Variants in MTHFD1L observed in about 807,000 individuals in gnomAD.
MTHFD1L encodes the protein methylenetetrahydrofolate dehydrogenase (NADP+ dependent) 1 like, also known as monofunctional C1-tetrahydrofolate synthase, mitochondrial.
A neutral mutation model predicts 119.5 loss-of-function variants in MTHFD1L; 81 were observed. The ratio of observed to expected loss-of-function variants is 0.68; its 90% CI spans 0.57 to 0.82. The LOEUF is 0.82. Among genes scored for constraint, MTHFD1L ranks in the 40% least tolerant of loss-of-function variants. The probability of loss-of-function intolerance (pLI) is 0.00; values close to 1 mark genes in which losing one functional copy is unlikely to be tolerated. For synonymous variants in MTHFD1L, 430 were observed against 475.2 expected (o/e 0.90, Z 1.24); for missense variants, 1,125 against 1,253.4 (o/e 0.90, Z 1.55).
intron 27 of MTHFD1L, chr6:151,099,707 G>A: frequency 6.2e-7 from 1 of 1,610,884 alleles, no homozygotes; most frequent in Non-Finnish European, 8.5e-7. Context: ...ACTGGTTATG[G>A]GAGCAACAAA....
intron 10 of MTHFD1L, among the ~76,000 whole-genome samples, chr6:150,923,537 A>ATTTATTTTTTTTTTTT (rs1254981530): frequency 3.2e-5 from 3 of 95,222 alleles, no homozygotes; most frequent in Admixed American, 1.1e-4. Context: ...TTATTTATTT[A>ATTTATTTTTTTTTTTT]TTTTTTCTTT....
chr6:151,067,682 ATGT>A (rs1471021028), intron 26 of MTHFD1L, among the ~76,000 whole-genome samples: 1 of 152,228 alleles, frequency 6.6e-6, no homozygotes, highest in Non-Finnish European at 1.5e-5. Context: ...GCCAGAAATA[ATGT>A]TGTGTGTTAA....
At chr6:150,912,476 T>C (rs1427268100) in intron 8 of MTHFD1L, among the ~76,000 whole-genome samples, 3 of 152,152 alleles carry the variant, frequency 2.0e-5, no homozygotes, top group South Asian at 4.1e-4. Flanking sequence ...CCAGACTGCA[T>C]AGAAGCTGAG....
At chr6:150,895,411 C>G (rs967531117) in intron 7 of MTHFD1L, among the ~76,000 whole-genome samples, 1 of 152,110 alleles carries the variant, frequency 6.6e-6, no homozygotes, top group Non-Finnish European at 1.5e-5. Flanking sequence ...GAAATGGTCT[C>G]CAGCTGGGAG....
chr6:150,888,211 A>G (rs1194301987), intron 7 of MTHFD1L, among the ~76,000 whole-genome samples: 1 of 152,246 alleles, frequency 6.6e-6, no homozygotes, highest in Non-Finnish European at 1.5e-5. Context: ...TCATTCTAAT[A>G]CAATCCTTTT....
At chr6:150,900,111 G>A (rs1444038255) in intron 7 of MTHFD1L, among the ~76,000 whole-genome samples, 1 of 151,758 alleles carries the variant, frequency 6.6e-6, no homozygotes, top group African/African-American at 2.4e-5. Context: ...AGGCAACACA[G>A]TCTACAGTAA....
At chr6:150,971,868 C>A (rs1798037646) in intron 19 of MTHFD1L, 79 bp from the exon 20 acceptor site, 2 of 1,197,326 alleles carry the variant, frequency 1.7e-6, no homozygotes, top group South Asian at 1.3e-5. Context: ...CTTTCCTACC[C>A]CATTTGCCCC....
chr6:150,979,662 G>A (rs1051959826), intron 20 of MTHFD1L, among the ~76,000 whole-genome samples: 2 of 151,870 alleles, frequency 1.3e-5, no homozygotes, highest in Admixed American at 6.6e-5. Context: ...CACCATGCCC[G>A]GCTAGTTTTG....
intron 9 of MTHFD1L, among the ~76,000 whole-genome samples, chr6:150,921,321 G>A (rs1583565684): frequency 6.6e-6 from 1 of 151,980 alleles, no homozygotes; most frequent in South Asian, 2.1e-4. Context: ...GTTTCTCCAT[G>A]TTGGTCAGGC....
intron 8 of MTHFD1L, among the ~76,000 whole-genome samples, chr6:150,916,535 G>T (rs561513518): frequency 7.7e-6 from 1 of 129,728 alleles, no homozygotes; most frequent in African/African-American, 3.0e-5. Flanking sequence ...CACCATGTTG[G>T]CCAGGCTGGT....
intron 10 of MTHFD1L, among the ~76,000 whole-genome samples, chr6:150,923,472 C>T (rs1023574635): frequency 6.6e-6 from 1 of 150,962 alleles, no homozygotes; most frequent in Admixed American, 6.6e-5. Flanking sequence ...GGAATGCACA[C>T]AGTGCCGAGG....
chr6:150,984,159 G>T (rs748541653), intron 20 of MTHFD1L, among the ~76,000 whole-genome samples: 15 of 152,046 alleles, frequency 9.9e-5, no homozygotes, highest in Admixed American at 5.9e-4. Flanking sequence ...TCTTTACCTG[G>T]AATACCTTCA....
intron 6 of MTHFD1L, 28 bp downstream of exon 6, chr6:150,885,762 G>T: frequency 1.3e-6 from 2 of 1,512,138 alleles, no homozygotes; most frequent in South Asian, 2.3e-5. Flanking sequence ...AAATGCCGCT[G>T]ATTTCTATTT....
At position 151,009,885 on chromosome 6, in the gene MTHFD1L, C is replaced by T; in HGVS notation, c.2192C>T (p.Ser731Phe). 6.2e-7 allele frequency: 1 copy of T among 1,613,808 alleles called. No individual in the cohort carries two copies. The highest frequency in any genetic ancestry group is 8.5e-7 in the Non-Finnish European group (1 of 1,179,892). ...EKFFNIKCRA[S>F]GLVPNVVVLV... The stretch of plus-strand genomic sequence containing the variant: ...TTCTTCAACATCAAGTGCCGAGCTT[C>T]CGGCTTGGTGCCCAACGTGGTTGTG... Residue 731 changes from serine (S) to phenylalanine (F), a missense_variant, in exon 21 of 28, where the codon TCC (serine) becomes TTC (phenylalanine). Physicochemically the swap from Ser to Phe is radical, Grantham distance 155. Coordinates refer to ENST00000367321, the MANE Select transcript of MTHFD1L (RefSeq NM_015440.5).
At chr6:150,877,050 C>T (rs1355292306) in intron 2 of MTHFD1L, among the ~76,000 whole-genome samples, 1 of 152,066 alleles carries the variant, frequency 6.6e-6, no homozygotes, top group Non-Finnish European at 1.5e-5. Flanking sequence ...CTTTGGTATC[C>T]CCATTTTTTG....
intron 20 of MTHFD1L, among the ~76,000 whole-genome samples, chr6:151,008,044 TTA>T (rs1781644528): frequency 6.6e-6 from 1 of 152,226 alleles, no homozygotes; most frequent in Admixed American, 6.5e-5. Context: ...TCTGGCCCTA[TTA>T]CCTTACCCTT....
intron 26 of MTHFD1L, among the ~76,000 whole-genome samples, chr6:151,081,010 G>A (rs1793093486): frequency 6.6e-6 from 1 of 152,114 alleles, no homozygotes; most frequent in Non-Finnish European, 1.5e-5. Flanking sequence ...TCCAAATGTA[G>A]TCGTATTGGG....
At chr6:151,064,151 C>T (rs151100117) in intron 26 of MTHFD1L, among the ~76,000 whole-genome samples, 260 of 152,038 alleles carry the variant, frequency 1.7e-3, no homozygotes, top group Non-Finnish European at 3.2e-3. Context: ...GAAAATCGGC[C>T]AATACTTGGC....
At chr6:151,094,252 T>A (rs1794706719) in intron 27 of MTHFD1L, among the ~76,000 whole-genome samples, 1 of 152,224 alleles carries the variant, frequency 6.6e-6, no homozygotes, top group Admixed American at 6.5e-5. Context: ...AGATGAGCTT[T>A]TGTGGCCTAA....
Sources: allele counts gnomAD v4.1 joint callset (sites outside exome capture counted in the v4.1 genomes callset), GRCh38; gene constraint gnomAD v4.1.1; transcripts MANE v1.5; gene names NCBI Gene and HGNC (gene_info 2026-07-23, HGNC 2026-07-21).